The following BAZ2B variants were observed in gnomAD, a reference collection of about 807,000 sequenced individuals.
BAZ2B encodes the protein bromodomain adjacent to zinc finger domain protein 2B.
In BAZ2B, 91 loss-of-function variants were observed where a neutral mutation model predicts 246.0. That is an observed-to-expected ratio of 0.37 (90% CI 0.31 to 0.44). The LOEUF (loss-of-function observed/expected upper bound fraction) is 0.44. BAZ2B is among the 20% of genes least tolerant of loss of function. BAZ2B has a pLI of 1.00. For synonymous variants in BAZ2B, 855 were observed against 860.0 expected (o/e 0.99, Z 0.10); for missense variants, 2,332 against 2,533.7 (o/e 0.92, Z 1.71).
intron 22 of BAZ2B, among the ~76,000 whole-genome samples, chr2:159,385,781 CTGGGGATAATAAA>C (rs1202506706): frequency 1.3e-5 from 2 of 152,026 alleles, no homozygotes; most frequent in African/African-American, 2.4e-5. Flanking sequence ...GTTTTACTGG[CTGGGGATAATAAA>C]TAGGGAAACA....
intron 20 of BAZ2B, among the ~76,000 whole-genome samples, chr2:159,390,006 G>A (rs907737319): frequency 6.6e-6 from 1 of 152,258 alleles, no homozygotes; most frequent in African/African-American, 2.4e-5. Flanking sequence ...TTTGGTAATG[G>A]CAACAATATG....
chr2:159,608,239 C>A (rs527689679), intron 1 of BAZ2B, among the ~76,000 whole-genome samples: 1 of 152,174 alleles, frequency 6.6e-6, no homozygotes, highest in Non-Finnish European at 1.5e-5. Context: ...CCAGGCATGG[C>A]AGCGTAAGCC....
At chr2:159,540,691 G>A (rs1208971621) in intron 2 of BAZ2B, among the ~76,000 whole-genome samples, 2 of 152,176 alleles carry the variant, frequency 1.3e-5, no homozygotes, top group Admixed American at 1.3e-4. Flanking sequence ...ACCAGTACTA[G>A]TTATGTCAAC....
At chr2:159,329,134 AGG>A in intron 34 of BAZ2B, among the ~76,000 whole-genome samples, 1 of 146,178 alleles carries the variant, frequency 6.8e-6, no homozygotes, top group African/African-American at 2.6e-5. Flanking sequence ...CTGTCTTAAT[AGG>A]AAAAAAAAAA....
At chr2:159,520,679 A>G (rs1027936815) in intron 2 of BAZ2B, among the ~76,000 whole-genome samples, 12 of 152,184 alleles carry the variant, frequency 7.9e-5, no homozygotes, top group African/African-American at 2.4e-4. Flanking sequence ...AATTTTTACC[A>G]TACAGGTGAT....
At position 159,448,406 on chromosome 2, in the gene BAZ2B, G is replaced by A; in HGVS notation, c.338C>T (p.Ala113Val). Residue 113 changes from alanine (A) to valine (V), a missense_variant, in exon 5 of 37, where the codon GCA becomes GTA. Coordinates refer to ENST00000392783, the MANE Select transcript of BAZ2B (RefSeq NM_013450.4). ...AGCATCAGTTGTTCGCCACCATTCT[G>A]CACCTCAAAACCAAACAAACCAACC... ...AHPQLASFPGAEWWRTTDAHT... is the reference protein window; with the variant it reads ...AHPQLASFPGVEWWRTTDAHT... 1 of 1,568,542 alleles carries A rather than the reference G, an allele frequency of 6.4e-7. No individual in the cohort carries two copies. Among genetic ancestry groups the A allele is most frequent in the Non-Finnish European group, 8.6e-7 (1 of 1,163,420 alleles).
upstream of BAZ2B, among the ~76,000 whole-genome samples, chr2:159,620,956 G>A (rs953670247): frequency 6.6e-6 from 1 of 152,186 alleles, no homozygotes; most frequent in East Asian, 1.9e-4. Context: ...TTAACAGTCC[G>A]TAAGAATGAT....
the BAZ2B span, chr2:159,693,140 T>C: frequency 6.6e-6 from 1 of 152,040 alleles, no homozygotes; most frequent in Non-Finnish European, 1.5e-5. Flanking sequence ...TAATATTTTA[T>C]TTAGTAATGG....
chr2:159,441,311 G>C (rs191718721), intron 6 of BAZ2B, among the ~76,000 whole-genome samples: 52 of 152,294 alleles, frequency 3.4e-4, no homozygotes, highest in Admixed American at 8.5e-4. Context: ...CCCAGGAACA[G>C]TCATCCAGAG....
chr2:159,315,410 T>C (rs1327852190), downstream of BAZ2B, among the ~76,000 whole-genome samples: 1 of 152,212 alleles, frequency 6.6e-6, no homozygotes, highest in Admixed American at 6.5e-5. Context: ...GGGTTGCTTA[T>C]GAAGTTTCAG....
intron 1 of BAZ2B, among the ~76,000 whole-genome samples, chr2:159,596,305 C>T (rs922915875): frequency 7.2e-5 from 11 of 152,084 alleles, no homozygotes; most frequent in Non-Finnish European, 8.8e-5. Context: ...CATTTGAAGA[C>T]AACAATGATT....
intron 2 of BAZ2B, among the ~76,000 whole-genome samples, chr2:159,539,278 A>C (rs1305783826): frequency 1.3e-5 from 2 of 152,258 alleles, no homozygotes; most frequent in African/African-American, 2.4e-5. Context: ...AAATTTAGTA[A>C]GTAACTCAAA....
the BAZ2B span, among the ~76,000 whole-genome samples, chr2:159,682,913 C>T: frequency 8.0e-6 from 1 of 125,544 alleles, no homozygotes; most frequent in East Asian, 2.8e-4. Context: ...CACCCCTCCC[C>T]CCCCCCACAC....
the BAZ2B span, among the ~76,000 whole-genome samples, chr2:159,672,511 T>C: frequency 6.6e-6 from 1 of 152,312 alleles, no homozygotes; most frequent in South Asian, 2.1e-4. Flanking sequence ...CAACACATCC[T>C]GTACAGAATC....
rs753789317 is a variant in BAZ2B at position 159,429,246 on chromosome 2, T to G, written c.2209A>C (p.Arg737=). 1 of 1,548,440 alleles carries G rather than the reference T, an allele frequency of 6.5e-7. No individual in the cohort carries two copies. The highest frequency in any genetic ancestry group is 1.7e-5 in the Admixed American group (1 of 57,754). Reference sequence around the variant, plus strand: ...AGTTCACGTTCATCTGTTACTCTTCTTCTTTTGGAAGTGCCTTTAAAAAAA... The same window carrying G: ...AGTTCACGTTCATCTGTTACTCTTCGTCTTTTGGAAGTGCCTTTAAAAAAA... ...SSPHSGTSKR[R]RVTDERELRI... is the part of the protein sequence containing the mutation. Residue 737 remains arginine (R), a synonymous_variant, in exon 11 of 37, where the codon AGA becomes CGA. Transcript: ENST00000392783.
chr2:159,390,325 C>G (rs1243248138), intron 20 of BAZ2B, among the ~76,000 whole-genome samples: 1 of 152,058 alleles, frequency 6.6e-6, no homozygotes, highest in African/African-American at 2.4e-5. Context: ...AATCTTACCT[C>G]TCATATTTTT....
At chr2:159,482,557 A>C (rs2079357143) in intron 2 of BAZ2B, among the ~76,000 whole-genome samples, 1 of 152,172 alleles carries the variant, frequency 6.6e-6, no homozygotes, top group Admixed American at 6.5e-5. Flanking sequence ...GTTAAAGTGA[A>C]TATTTAAGAG....
At chr2:159,532,100 T>C (rs2085437864) in intron 2 of BAZ2B, among the ~76,000 whole-genome samples, 1 of 152,180 alleles carries the variant, frequency 6.6e-6, no homozygotes, top group Admixed American at 6.5e-5. Flanking sequence ...TTATTTTTTA[T>C]AAAATATTTT....
At chr2:159,556,083 T>C (rs2089081399) in intron 1 of BAZ2B, among the ~76,000 whole-genome samples, 2 of 152,208 alleles carry the variant, frequency 1.3e-5, no homozygotes, top group South Asian at 4.1e-4. Context: ...TGGCAGATCA[T>C]GTTTTTGTTT....
Sources: gnomAD v4.1 joint callset for allele counts (sites outside exome capture counted in the v4.1 genomes callset) on GRCh38, gnomAD v4.1.1 for gene constraint, MANE v1.5 for transcripts, NCBI Gene and HGNC (gene_info 2026-07-23, HGNC 2026-07-21) for gene names.